The following RALGDS variants were observed in gnomAD, a reference collection of about 807,000 sequenced individuals.
The protein encoded by RALGDS is ral guanine nucleotide dissociation stimulator.
RALGDS carries 44 observed loss-of-function variants against 99.8 expected under a neutral mutation model. The observed-to-expected ratio is 0.44, with a 90% CI of 0.35 to 0.57. The LOEUF is 0.57. Among genes scored for constraint, RALGDS ranks in the 20% least tolerant of loss-of-function variants. The pLI is 0.01. For synonymous variants in RALGDS, 529 were observed against 505.0 expected, an observed-to-expected ratio of 1.05 and a Z score of -0.64; for missense variants, 1,022 against 1,203.1, an observed-to-expected ratio of 0.85 and a Z score of 2.23.
At position 133,129,042 on chromosome 9, in the gene RALGDS, A is replaced by G. The variant is rs929416762; in HGVS notation, c.132+1910T>C. 4 of 1,372,156 alleles carry G rather than the reference A, an allele frequency of 2.9e-6. No homozygotes were observed. In the African/African-American group the frequency reaches 4.4e-5, roughly 15 times the overall value. 85.0% of individuals were successfully genotyped at this position (1,372,156 alleles called of 1,614,324 possible). On this transcript the variant is annotated intron_variant, in intron 1 of 17. Coordinates refer to the RALGDS transcript ENST00000372062. ...CCTCCAACCAGTTCTGGCAGGGAAGAAAGGGAGTCCTGGGAAAGCAACTCC... is the reference window on the plus strand; with the variant it reads ...CCTCCAACCAGTTCTGGCAGGGAAGGAAGGGAGTCCTGGGAAAGCAACTCC...
At chr9:133,141,672 T>C (rs1832525643) in intron 1 of RALGDS, among the ~76,000 whole-genome samples, 1 of 152,226 alleles carries the variant, frequency 6.6e-6, no homozygotes. Flanking sequence ...GGAAGGGCAG[T>C]GGCGGCCTGG....
chr9:133,118,804 C>A (rs541064635), intron 1 of RALGDS, among the ~76,000 whole-genome samples: 1 of 152,350 alleles, frequency 6.6e-6, no homozygotes, highest in African/African-American at 2.4e-5. Context: ...GAGAACACAG[C>A]CCATGCTTAA....
At chr9:133,141,580 C>T (rs1211223699) in intron 1 of RALGDS, among the ~76,000 whole-genome samples, 1 of 152,198 alleles carries the variant, frequency 6.6e-6, no homozygotes, top group African/African-American at 2.4e-5. Flanking sequence ...GGAATTTGGA[C>T]CCAGGTGTCC....
intron 1 of RALGDS, among the ~76,000 whole-genome samples, chr9:133,142,665 C>T (rs1025540886): frequency 2.0e-5 from 3 of 152,218 alleles, no homozygotes; most frequent in African/African-American, 7.2e-5. Context: ...GGCCCTAAGA[C>T]TCTTTGAGGC....
At chr9:133,102,728 C>T (rs1477584532) in intron 13 of RALGDS, 51 bp downstream of exon 13, 1 of 1,602,382 alleles carries the variant, frequency 6.2e-7, no homozygotes, top group Non-Finnish European at 8.5e-7. Context: ...CTGGAGCTGG[C>T]CCCCTAGGAC....
intron 17 of RALGDS, 45 bp from the exon 18 acceptor site, chr9:133,098,807 C>A (rs1345704782): frequency 6.3e-7 from 1 of 1,592,544 alleles, no homozygotes; most frequent in Non-Finnish European, 8.6e-7. Context: ...CTCCTGGGGG[C>A]CCTGCAGGAT....
At chr9:133,116,483 A>C (rs1479390387) in intron 1 of RALGDS, among the ~76,000 whole-genome samples, 1 of 152,190 alleles carries the variant, frequency 6.6e-6, no homozygotes, top group African/African-American at 2.4e-5. Context: ...AAGCAGGAGG[A>C]GGGAGAACCA....
intron 9 of RALGDS, 78 bp downstream of exon 9, chr9:133,105,854 C>CCCCAGCCCCAGCCTGCCGCCCCA (rs1564232019): frequency 8.7e-5 from 1 of 11,554 alleles, no homozygotes; most frequent in Admixed American, 1.2e-3. Context: ...CCCCAGCCCC[C>CCCCAGCCCCAGCCTGCCGCCCCA]GCCCCAGCCC....
intron 16 of RALGDS, chr9:133,100,846 G>C: frequency 9.4e-7 from 1 of 1,065,898 alleles, no homozygotes; most frequent in Admixed American, 4.9e-5. Flanking sequence ...GGCGGAACTC[G>C]GACATAGGGC....
upstream of RALGDS, among the ~76,000 whole-genome samples, chr9:133,134,076 C>A (rs1352861897): frequency 6.6e-6 from 1 of 152,188 alleles, no homozygotes; most frequent in Non-Finnish European, 1.5e-5. Flanking sequence ...GGGGGACACT[C>A]CAGCTCCCCT....
chr9:133,112,791 C>T (rs942416094), intron 1 of RALGDS, among the ~76,000 whole-genome samples: 1 of 152,212 alleles, frequency 6.6e-6, no homozygotes, highest in Non-Finnish European at 1.5e-5. Flanking sequence ...CAGCCACATC[C>T]CAGCCACTTC....
In RALGDS at chr9:133,104,254, C is replaced by T. The variant is rs775165593; in HGVS notation, c.1671+9G>A. The T allele has an allele frequency of 1.2e-6, 2 of 1,612,344 alleles. No individual in the cohort carries two copies. The highest frequency in any genetic ancestry group is 8.5e-7 in the Non-Finnish European group (1 of 1,178,530). On this transcript the variant is annotated intron_variant, in intron 10 of 17. Transcript: ENST00000372050. ...CCCCCTGCCCCTCCGCGGCCTTGGG[C>T]ACTCTCACCGTCTCCTTCGGCCGTT...
intron 1 of RALGDS, among the ~76,000 whole-genome samples, chr9:133,114,855 T>C (rs1043794864): frequency 1.3e-5 from 2 of 152,216 alleles, no homozygotes; most frequent in Non-Finnish European, 2.9e-5. Context: ...ACACACTGTC[T>C]GGCCTTCTAA....
chr9:133,119,866 CT>C (rs1831826442), intron 1 of RALGDS, among the ~76,000 whole-genome samples: 1 of 152,170 alleles, frequency 6.6e-6, no homozygotes, highest in African/African-American at 2.4e-5. Context: ...CATCCAGGCC[CT>C]GTCTAGGTAC....
intron 2 of RALGDS, among the ~76,000 whole-genome samples, chr9:133,111,233 G>A (rs551180124): frequency 1.3e-5 from 2 of 152,166 alleles, no homozygotes; most frequent in South Asian, 4.2e-4. Context: ...AGGAAACAGA[G>A]GCTTATCCAG....
intron 12 of RALGDS, 21 bp downstream of exon 12, chr9:133,103,209 G>A (rs1830845398): frequency 6.2e-7 from 1 of 1,613,678 alleles, no homozygotes; most frequent in African/African-American, 1.3e-5. Context: ...CCCCAAGTCA[G>A]GGCTGCCTGC....
intron 1 of RALGDS, among the ~76,000 whole-genome samples, chr9:133,141,414 C>A (rs76392710): frequency 1.3e-5 from 2 of 151,846 alleles, no homozygotes; most frequent in Non-Finnish European, 2.9e-5. Flanking sequence ...AGTCTGGGTG[C>A]AGGGTGGGTG....
chr9:133,102,397 A>G, intron 14 of RALGDS, 79 bp downstream of exon 14: 1 of 1,473,490 alleles, frequency 6.8e-7, no homozygotes. Context: ...AGCCTCCCTG[A>G]CTCCCTGAGC....
chr9:133,114,025 G>A (rs1210836845), intron 1 of RALGDS, among the ~76,000 whole-genome samples: 1 of 152,226 alleles, frequency 6.6e-6, no homozygotes, highest in African/African-American at 2.4e-5. Context: ...GAAGCCAGGT[G>A]GCCTCGGCTG....
Sources: allele counts gnomAD v4.1 joint callset (sites outside exome capture counted in the v4.1 genomes callset), GRCh38; gene constraint gnomAD v4.1.1; transcripts MANE v1.5; gene names NCBI Gene and HGNC (gene_info 2026-07-23, HGNC 2026-07-21).